ZFHX3: variants seen among roughly 807,000 people sequenced by gnomAD.
ZFHX3 encodes the protein zinc finger homeobox 3, also known as zinc finger homeobox protein 3.
ZFHX3 carries 42 observed loss-of-function variants against 279.1 expected under a neutral mutation model. The ratio of observed to expected loss-of-function variants is 0.15; its 90% confidence interval spans 0.12 to 0.19. The LOEUF (loss-of-function observed/expected upper bound fraction) is 0.19. ZFHX3 is among the 10% of genes least tolerant of loss of function. The probability of loss-of-function intolerance (pLI) is 1.00; values close to 1 mark genes in which losing one functional copy is unlikely to be tolerated. For synonymous variants in ZFHX3, 2,293 were observed against 1,957.8 expected, an observed-to-expected ratio of 1.17 and a Z score of -4.52; for missense variants, 4,981 against 4,754.0, an observed-to-expected ratio of 1.05 and a Z score of -1.40.
chr16:73,512,567 A>C (rs759525238), intron 2 of ZFHX3, among the ~76,000 whole-genome samples: 3 of 152,094 alleles, frequency 2.0e-5, no homozygotes, highest in Non-Finnish European at 4.4e-5. Context: ...ATTGGAACAG[A>C]ACAGTTGGAA....
At chr16:73,276,871 A>C (rs1794909591) in intron 4 of ZFHX3, among the ~76,000 whole-genome samples, 1 of 152,246 alleles carries the variant, frequency 6.6e-6, no homozygotes, top group South Asian at 2.1e-4. Context: ...ATATGGGCTA[A>C]GTCAAACTGT....
At position 73,780,111 on chromosome 16, in the gene ZFHX3, A is replaced by ATTTTTTTTTTTT. The variant is rs762134796; in HGVS notation, c.-1607-99883_-1607-99872dup. Among the ~76,000 whole-genome samples, 14 of 33,214 alleles carry ATTTTTTTTTTTT rather than the reference A, an allele frequency of 4.2e-4. 6 individuals carry two copies. Among genetic ancestry groups the ATTTTTTTTTTTT allele is most frequent in the Non-Finnish European group, 8.1e-4 (11 of 13,572 alleles). 21.8% of individuals were successfully genotyped at this position (33,214 alleles called of 152,430 possible). ...AACCAGCAAAACTCACTGCATTTGA[A>ATTTTTTTTTTTT]TTTTTTTTTTTTTTTTTTTTTTTTT... On this transcript the variant is annotated intron_variant, in intron 1 of 17. Transcript: ENST00000641206.
At chr16:73,184,355 AC>A (rs1479057826) in intron 5 of ZFHX3, among the ~76,000 whole-genome samples, 1 of 152,220 alleles carries the variant, frequency 6.6e-6, no homozygotes, top group Non-Finnish European at 1.5e-5. Flanking sequence ...TTCATGGAAG[AC>A]ATTTTTGTCA....
At chr16:72,904,678 G>C (rs1033788659) in intron 3 of ZFHX3, among the ~76,000 whole-genome samples, 1 of 152,108 alleles carries the variant, frequency 6.6e-6, no homozygotes, top group Non-Finnish European at 1.5e-5. Context: ...TCTGACCCAT[G>C]CTGAAATGCC....
intron 3 of ZFHX3, among the ~76,000 whole-genome samples, chr16:72,914,675 T>G (rs1388757270): frequency 2.0e-5 from 3 of 152,202 alleles, no homozygotes; most frequent in Non-Finnish European, 4.4e-5. Flanking sequence ...GGGTAAGAAC[T>G]GCTGCATTCT....
At chr16:73,398,062 C>G (rs996394542) in intron 3 of ZFHX3, among the ~76,000 whole-genome samples, 3 of 152,180 alleles carry the variant, frequency 2.0e-5, no homozygotes, top group Non-Finnish European at 4.4e-5. Context: ...CCAGGCTTGA[C>G]TTGAACTCCT....
At chr16:73,131,241 A>G in intron 6 of ZFHX3, 2 of 308,764 alleles carry the variant, frequency 6.5e-6, no homozygotes. Context: ...TGCCTGTTAT[A>G]TATAATGAAT....
chr16:73,876,130 C>T (rs2029938784), intron 1 of ZFHX3, among the ~76,000 whole-genome samples: 1 of 152,094 alleles, frequency 6.6e-6, no homozygotes, highest in African/African-American at 2.4e-5. Flanking sequence ...CATCCCAATC[C>T]CTGCATGCGT....
intron 4 of ZFHX3, among the ~76,000 whole-genome samples, chr16:73,257,748 A>C (rs7499943): frequency 0.75 from 114,323 of 152,094 alleles, 43,680 homozygotes; most frequent in South Asian, 0.9. Context: ...AAATACCCAT[A>C]ATTAGTTATT....
intron 1 of ZFHX3, among the ~76,000 whole-genome samples, chr16:72,982,771 T>C (rs367591249): frequency 1.3e-5 from 2 of 152,018 alleles, no homozygotes; most frequent in East Asian, 1.9e-4. Flanking sequence ...ATCTGAGGAG[T>C]AGCCTGGGTG....
Position 73,588,707 on chromosome 16 carries a change from CA to C in ZFHX3, c.-1547+91472del, listed in dbSNP as rs35010044. 2.5e-3 allele frequency among the ~76,000 whole-genome samples: 337 copies of C among 134,240 alleles called. 2 individuals are homozygous for C. Among genetic ancestry groups the C allele is most frequent in the Middle Eastern group, 0.011 (3 of 270 alleles). 88.1% of individuals were successfully genotyped at this position (134,240 alleles called of 152,430 possible). On this transcript the variant is annotated intron_variant, in intron 2 of 17. Transcript: ENST00000641206. Reference sequence around the variant, plus strand: ...TCGGTCTCAAAAACAAAAAACAAAACAAAAAAAAAAAAAACAAGAAAACAAG... The same window carrying C: ...TCGGTCTCAAAAACAAAAAACAAAACAAAAAAAAAAAAACAAGAAAACAAG...
At chr16:73,283,100 A>G (rs553436754) in intron 4 of ZFHX3, among the ~76,000 whole-genome samples, 1 of 152,262 alleles carries the variant, frequency 6.6e-6, no homozygotes, top group East Asian at 1.9e-4. Context: ...TAACTGCTCA[A>G]CTCTCAACTT....
At chr16:73,233,961 G>A (rs1474955752) in intron 5 of ZFHX3, 1 of 152,308 alleles carries the variant, frequency 6.6e-6, no homozygotes, top group Non-Finnish European at 1.5e-5. Context: ...CCCAAATGAG[G>A]AGGAAATAAA....
chr16:73,868,022 G>C lies in ZFHX3; in HGVS notation c.-1608+23629C>G, dbSNP rs191645710. On this transcript the variant is annotated intron_variant, in intron 1 of 17. Coordinates refer to the ZFHX3 transcript ENST00000641206. ...TTCCTTCTTCATACCTCCAGCCCTC[G>C]GAGCTCCCTTCTCCTGCCCCTCCCT... 2.0e-5 allele frequency among the ~76,000 whole-genome samples: 3 copies of C among 152,128 alleles called. No homozygotes were observed. The South Asian group carries it at 6.2e-4, about 32-fold the overall frequency.
chr16:73,308,069 A>C, intron 4 of ZFHX3, among the ~76,000 whole-genome samples: 1 of 151,842 alleles, frequency 6.6e-6, no homozygotes, highest in East Asian at 1.9e-4. Flanking sequence ...GGGAAAAGGC[A>C]CTTAGAACTA....
chr16:72,991,307 T>TA (rs1392665259), intron 1 of ZFHX3, among the ~76,000 whole-genome samples: 1 of 152,216 alleles, frequency 6.6e-6, no homozygotes, highest in Non-Finnish European at 1.5e-5. Context: ...GAAAAAAACA[T>TA]AGTCTACCTA....
At position 72,797,434 on chromosome 16, in the gene ZFHX3, C is replaced by G. The variant is rs1434935807; in HGVS notation, c.5248G>C (p.Ala1750Pro). ...TGCTGCAGGTGAGCTTGAACTTGAG[C>G]CTGGGCCTGGGCCAGCGTTTGTGCT... ...QQAQTLAQAQ[A>P]QVQAHLQQEL... Residue 1750 changes from alanine (A) to proline (P), a missense_variant, in exon 9 of 10, where the codon GCT (alanine) becomes CCT (proline). Transcript: ENST00000268489. 1.4e-5 allele frequency: 23 copies of G among 1,612,862 alleles called. No individual in the cohort carries two copies. The highest frequency in any genetic ancestry group is 1.9e-5 in the Non-Finnish European group (23 of 1,179,596).
At chr16:73,055,250 GTT>G (rs1044939265) in intron 1 of ZFHX3, among the ~76,000 whole-genome samples, 2 of 151,898 alleles carry the variant, frequency 1.3e-5, no homozygotes, top group African/African-American at 4.8e-5. Context: ...ACTCAATAGG[GTT>G]TTTTTCTCCC....
At chr16:73,006,671 A>G (rs1963713035) in intron 1 of ZFHX3, among the ~76,000 whole-genome samples, 1 of 145,334 alleles carries the variant, frequency 6.9e-6, no homozygotes, top group African/African-American at 2.5e-5. Flanking sequence ...AAGGAAAGGG[A>G]GGAAGGAAAG....
Sources: gnomAD v4.1 joint callset for allele counts (sites outside exome capture counted in the v4.1 genomes callset) on GRCh38, gnomAD v4.1.1 for gene constraint, MANE v1.5 for transcripts, NCBI Gene and HGNC (gene_info 2026-07-23, HGNC 2026-07-21) for gene names.